Variants in DGKB observed in about 807,000 individuals in gnomAD.
DGKB encodes the protein 90 kDa diacylglycerol kinase.
A neutral mutation model predicts 114.3 loss-of-function variants in DGKB; 67 were observed. The ratio of observed to expected loss-of-function variants is 0.59; its 90% CI spans 0.48 to 0.72. The LOEUF (loss-of-function observed/expected upper bound fraction) is 0.72. Ranked by LOEUF, DGKB falls within the 30% of genes least tolerant of loss-of-function variation. The pLI is 0.00. For missense variants in DGKB, 907 were observed against 975.2 expected (o/e 0.93, Z 0.93); for synonymous variants, 398 against 323.1 (o/e 1.23, Z -2.49).
intron 23 of DGKB, among the ~76,000 whole-genome samples, chr7:14,221,159 A>G (rs1390607078): frequency 6.6e-6 from 1 of 150,882 alleles, no homozygotes; most frequent in African/African-American, 2.4e-5. Context: ...CCTTTTATTT[A>G]TTTTTTTGCC....
intron 23 of DGKB, among the ~76,000 whole-genome samples, chr7:14,262,574 T>C (rs2128415542): frequency 6.6e-6 from 1 of 152,254 alleles, no homozygotes; most frequent in African/African-American, 2.4e-5. Context: ...TATGTGATAT[T>C]TTGTTACAGC....
At chr7:14,857,436 G>A (rs1850344419) in intron 1 of DGKB, among the ~76,000 whole-genome samples, 1 of 151,892 alleles carries the variant, frequency 6.6e-6, no homozygotes, top group Non-Finnish European at 1.5e-5. Flanking sequence ...CTTGTGAGAC[G>A]TTAAGCAGAG....
At chr7:14,249,950 T>C (rs1794986856) in intron 23 of DGKB, among the ~76,000 whole-genome samples, 1 of 151,780 alleles carries the variant, frequency 6.6e-6, no homozygotes, top group African/African-American at 2.4e-5. Context: ...TTTTCCTTTC[T>C]TTTCTTTTTC....
intron 13 of DGKB, among the ~76,000 whole-genome samples, chr7:14,672,016 T>A (rs1364199262): frequency 6.6e-6 from 1 of 152,058 alleles, no homozygotes; most frequent in Non-Finnish European, 1.5e-5. Context: ...TTTTGTAGTT[T>A]GAGAAAATGA....
chr7:14,247,265 C>T (rs1186876095), intron 23 of DGKB, among the ~76,000 whole-genome samples: 1 of 152,036 alleles, frequency 6.6e-6, no homozygotes, highest in Non-Finnish European at 1.5e-5. Context: ...AACACAAATA[C>T]TAAGGTTGGT....
intron 23 of DGKB, among the ~76,000 whole-genome samples, chr7:14,257,180 A>C (rs6972707): frequency 6.6e-6 from 1 of 151,942 alleles, no homozygotes; most frequent in African/African-American, 2.4e-5. Flanking sequence ...GAATAAAATA[A>C]AAAAATTTAT....
intron 1 of DGKB, among the ~76,000 whole-genome samples, chr7:14,842,995 C>T (rs917885669): frequency 2.0e-5 from 3 of 152,070 alleles, no homozygotes; most frequent in Non-Finnish European, 4.4e-5. Flanking sequence ...ATGGAATGAG[C>T]CCAGGTGTTT....
intron 1 of DGKB, among the ~76,000 whole-genome samples, chr7:14,848,954 A>G (rs1848994651): frequency 6.6e-6 from 1 of 151,830 alleles, no homozygotes; most frequent in South Asian, 2.1e-4. Context: ...TTCCTTGCCC[A>G]ATTCTGCTTG....
chr7:14,952,558 A>T (rs1786263872), intron 1 of DGKB, among the ~76,000 whole-genome samples: 1 of 151,198 alleles, frequency 6.6e-6, no homozygotes, highest in African/African-American at 2.4e-5. Context: ...AAAAAAAAAT[A>T]CAGCCTGAGC....
intron 4 of DGKB, among the ~76,000 whole-genome samples, chr7:14,748,157 T>A (rs1296786136): frequency 6.6e-6 from 1 of 152,186 alleles, no homozygotes; most frequent in Admixed American, 6.5e-5. Context: ...GAGCACCCAC[T>A]CTGCACCAGG....
chr7:14,307,218 C>T (rs1229681813), intron 23 of DGKB, among the ~76,000 whole-genome samples: 1 of 129,958 alleles, frequency 7.7e-6, no homozygotes, highest in African/African-American at 2.8e-5. Context: ...AATCCAATGC[C>T]TAATAACTGT....
chr7:14,586,855 CAA>C (rs398066647), intron 17 of DGKB, among the ~76,000 whole-genome samples: 1 of 144,604 alleles, frequency 6.9e-6, no homozygotes, highest in African/African-American at 2.5e-5. Context: ...ACATATTTCT[CAA>C]AAAAAAAAAA....
At chr7:14,473,451 G>A (rs1006381652) in intron 21 of DGKB, among the ~76,000 whole-genome samples, 8 of 152,186 alleles carry the variant, frequency 5.3e-5, no homozygotes, top group Non-Finnish European at 7.3e-5. Context: ...TGCTGCAGGG[G>A]CAGGACTCTC....
At chr7:14,299,387 A>G (rs1803116298) in intron 23 of DGKB, among the ~76,000 whole-genome samples, 1 of 152,172 alleles carries the variant, frequency 6.6e-6, no homozygotes, top group Non-Finnish European at 1.5e-5. Context: ...ATGTATCACA[A>G]TCTTCTAGAA....
At chr7:14,665,966 A>G (rs544257195) in intron 13 of DGKB, among the ~76,000 whole-genome samples, 2 of 152,132 alleles carry the variant, frequency 1.3e-5, no homozygotes, top group South Asian at 2.1e-4. Flanking sequence ...AATAATTTCA[A>G]AAGTATGGAC....
Position 14,421,086 on chromosome 7 carries a change from C to A in DGKB, c.1835+57075G>T, listed in dbSNP as rs912435605. ...CTGATTGGCCAGAGTCAAACCTCCA[C>A]TTCCATCCTTTATTACATAGCGTAT... On this transcript the variant is annotated intron_variant, in intron 21 of 25. Coordinates refer to ENST00000402815, the MANE Select transcript of DGKB (RefSeq NM_001350709.2). Among the ~76,000 whole-genome samples, 7 of 152,232 alleles carry A rather than the reference C, an allele frequency of 4.6e-5. No homozygotes were observed. The South Asian group carries it at 8.3e-4, about 18-fold the overall frequency.
chr7:14,877,352 T>G (rs898012783), intron 1 of DGKB, among the ~76,000 whole-genome samples: 1 of 152,090 alleles, frequency 6.6e-6, no homozygotes, highest in African/African-American at 2.4e-5. Flanking sequence ...GGTCAGGAGT[T>G]TGAGACTAGC....
intron 23 of DGKB, chr7:14,269,162 G>C (rs960209727): frequency 1.3e-5 from 2 of 152,258 alleles, no homozygotes; most frequent in African/African-American, 4.8e-5. Flanking sequence ...GGAGCTGCTT[G>C]ATCTCCTTAT....
intron 2 of DGKB, among the ~76,000 whole-genome samples, chr7:14,805,540 C>T (rs536353516): frequency 6.6e-6 from 1 of 152,182 alleles, no homozygotes; most frequent in African/African-American, 2.4e-5. Flanking sequence ...TTTAAAGCAA[C>T]TGAAGCTTCA....
Sources: gnomAD v4.1 joint callset for allele counts (sites outside exome capture counted in the v4.1 genomes callset) on GRCh38, gnomAD v4.1.1 for gene constraint, MANE v1.5 for transcripts, NCBI Gene and HGNC (gene_info 2026-07-23, HGNC 2026-07-21) for gene names.